The following TBC1D22A variants were observed in gnomAD, a reference collection of about 807,000 sequenced individuals.
TBC1D22A encodes the protein TBC1 domain family member 22A.
A neutral mutation model predicts 60.2 loss-of-function variants in TBC1D22A; 38 were observed. The ratio of observed to expected loss-of-function variants is 0.63; its 90% CI spans 0.49 to 0.83. The LOEUF (loss-of-function observed/expected upper bound fraction) is 0.83, where lower values mean the gene tolerates loss of function less well. TBC1D22A is among the 40% of genes least tolerant of loss of function. The pLI is 0.00. For synonymous variants in TBC1D22A, 302 were observed against 281.7 expected (o/e 1.07, Z -0.72); for missense variants, 628 against 701.0 (o/e 0.90, Z 1.18).
chr22:47,018,519 G>A (rs760441386), intron 10 of TBC1D22A, among the ~76,000 whole-genome samples: 46 of 152,160 alleles, frequency 3.0e-4, no homozygotes, highest in Middle Eastern at 3.4e-3. Flanking sequence ...GAACCAGTCC[G>A]TCTGTCCGTC....
chr22:46,983,815 G>A (rs1223684574), intron 9 of TBC1D22A, among the ~76,000 whole-genome samples: 5 of 151,988 alleles, frequency 3.3e-5, no homozygotes, highest in Non-Finnish European at 5.9e-5. Flanking sequence ...TTTCATGGAT[G>A]TGTCCTTTTA....
chr22:47,109,610 C>A (rs996095329), intron 11 of TBC1D22A, among the ~76,000 whole-genome samples: 5 of 152,104 alleles, frequency 3.3e-5, no homozygotes, highest in African/African-American at 1.2e-4. Flanking sequence ...CTTGGCAGTT[C>A]CAAAGAATAA....
intron 12 of TBC1D22A, among the ~76,000 whole-genome samples, chr22:47,148,336 TAA>T (rs59518138): frequency 0.063 from 8,756 of 138,894 alleles, 805 homozygotes; most frequent in African/African-American, 0.21. Flanking sequence ...CCAAAAGATG[TAA>T]AAAAAAAAAA....
chr22:46,893,439 A>T (rs538756950), intron 6 of TBC1D22A, among the ~76,000 whole-genome samples: 1 of 152,090 alleles, frequency 6.6e-6, no homozygotes, highest in Admixed American at 6.5e-5. Flanking sequence ...GACAATGGGG[A>T]TGATGGCAGG....
intron 4 of TBC1D22A, among the ~76,000 whole-genome samples, chr22:46,841,331 TC>T (rs1248396525): frequency 3.2e-4 from 48 of 152,236 alleles, no homozygotes; most frequent in Admixed American, 3.1e-3. Flanking sequence ...TTTTGGCCGT[TC>T]CGCCATGTGA....
chr22:47,128,999 C>T (rs2066591815), intron 12 of TBC1D22A, among the ~76,000 whole-genome samples: 3 of 152,178 alleles, frequency 2.0e-5, no homozygotes, highest in African/African-American at 7.2e-5. Context: ...TGCATGTCTA[C>T]GATGCCAGCT....
intron 11 of TBC1D22A, among the ~76,000 whole-genome samples, chr22:47,037,740 C>T (rs990411106): frequency 6.6e-6 from 1 of 152,204 alleles, no homozygotes; most frequent in African/African-American, 2.4e-5. Flanking sequence ...GGCTGAGTTT[C>T]ATTCTGCCTG....
At chr22:47,154,392 C>G (rs1184868709) in intron 12 of TBC1D22A, among the ~76,000 whole-genome samples, 1 of 152,202 alleles carries the variant, frequency 6.6e-6, no homozygotes, top group Non-Finnish European at 1.5e-5. Context: ...GTAGCTGCAG[C>G]CTTTACTTGT....
chr22:46,980,302 C>T (rs1041446496), intron 9 of TBC1D22A, among the ~76,000 whole-genome samples: 8 of 152,180 alleles, frequency 5.3e-5, no homozygotes, highest in African/African-American at 1.7e-4. Context: ...CCTGTCTCAG[C>T]CTCCTGAGTG....
At chr22:46,999,976 G>C (rs528053399) in intron 10 of TBC1D22A, among the ~76,000 whole-genome samples, 6 of 152,200 alleles carry the variant, frequency 3.9e-5, no homozygotes, top group Non-Finnish European at 8.8e-5. Context: ...AGTGAGCCGA[G>C]ATCGTGCCAC....
At position 47,039,672 on chromosome 22, in the gene TBC1D22A, C is replaced by T. The variant is rs1229404320; in HGVS notation, c.1329+2474C>T. Among the ~76,000 whole-genome samples, 6 of 135,916 alleles carry T rather than the reference C, an allele frequency of 4.4e-5. No homozygotes were observed. The East Asian group carries it at 8.5e-4, about 19-fold the overall frequency. The allele number at this position is 135,916 out of a possible 152,430, so 89.2% of individuals were successfully genotyped here. A position where few individuals can be genotyped will look rare whatever the true frequency, so the allele number is the denominator to read the frequency against. On this transcript the variant is annotated intron_variant, in intron 11 of 12. Coordinates refer to ENST00000337137, the MANE Select transcript of TBC1D22A (RefSeq NM_014346.5). ...AGAATGGCCCTGCTCCCCCAGGGGT[C>T]GCGTGCTCCCTCATGGATGCGTGCA... is the stretch of plus-strand genomic sequence containing the variant.
At chr22:47,003,411 A>G (rs1280339666) in intron 10 of TBC1D22A, among the ~76,000 whole-genome samples, 1 of 151,596 alleles carries the variant, frequency 6.6e-6, no homozygotes, top group African/African-American at 2.4e-5. Flanking sequence ...ACATGCCTGT[A>G]CACACATACC....
chr22:46,811,029 T>G (rs1250939832), intron 4 of TBC1D22A, among the ~76,000 whole-genome samples: 1 of 152,202 alleles, frequency 6.6e-6, no homozygotes, highest in African/African-American at 2.4e-5. Flanking sequence ...GAGTCCATCA[T>G]GCGGCTGTCA....
intron 4 of TBC1D22A, among the ~76,000 whole-genome samples, chr22:46,820,976 G>A (rs1021269561): frequency 2.7e-5 from 4 of 150,758 alleles, no homozygotes; most frequent in African/African-American, 4.9e-5. Flanking sequence ...TTATCATTAT[G>A]TAATGCCCTT....
intron 12 of TBC1D22A, among the ~76,000 whole-genome samples, chr22:47,164,311 G>C (rs1434628924): frequency 7.2e-5 from 11 of 152,256 alleles, no homozygotes; most frequent in Non-Finnish European, 1.0e-4. Context: ...GACAAGCCCA[G>C]TGTACTCTCA....
At chr22:46,985,231 T>C (rs553960058) in intron 9 of TBC1D22A, among the ~76,000 whole-genome samples, 1 of 152,176 alleles carries the variant, frequency 6.6e-6, no homozygotes, top group Admixed American at 6.5e-5. Flanking sequence ...AGTCTTCACC[T>C]GGACGGGGCA....
intron 11 of TBC1D22A, among the ~76,000 whole-genome samples, chr22:47,100,721 A>C (rs746522227): frequency 5.3e-5 from 8 of 152,198 alleles, no homozygotes; most frequent in Non-Finnish European, 1.2e-4. Context: ...GCCATGTGGA[A>C]CTGTAAATCC....
Position 47,173,491 on chromosome 22 carries a change from T to C in TBC1D22A, c.1426-7T>C. 1.2e-6 allele frequency: 2 copies of C among 1,613,708 alleles called. No individual in the cohort carries two copies. The highest frequency in any genetic ancestry group is 1.7e-6 in the Non-Finnish European group (2 of 1,179,786). On this transcript the variant is annotated splice_polypyrimidine_tract_variant and splice_region_variant and intron_variant, in intron 12 of 12. Transcript: ENST00000337137. The stretch of plus-strand genomic sequence containing the variant: ...CCTCTGACCTGGGCTTGTCTCTTTC[T>C]CCCCAGGAGCTGCTGCTCTTCCTCC...
At chr22:46,926,757 C>T (rs954000158) in intron 8 of TBC1D22A, among the ~76,000 whole-genome samples, 4 of 152,110 alleles carry the variant, frequency 2.6e-5, no homozygotes, top group African/African-American at 7.2e-5. Context: ...AAATCCTGAC[C>T]GAGTTCCTAG....
Sources: allele counts gnomAD v4.1 joint callset (sites outside exome capture counted in the v4.1 genomes callset), GRCh38; gene constraint gnomAD v4.1.1; transcripts MANE v1.5; gene names NCBI Gene and HGNC (gene_info 2026-07-23, HGNC 2026-07-21).